NELL1: variants seen among roughly 807,000 people sequenced by gnomAD.
The protein encoded by NELL1 is protein kinase C-binding protein NELL1.
NELL1 carries 76 observed loss-of-function variants against 107.4 expected under a neutral mutation model. The observed-to-expected ratio is 0.71, with a 90% CI of 0.59 to 0.86. The LOEUF is 0.86. Ranked by LOEUF, NELL1 falls within the 40% of genes least tolerant of loss-of-function variation. NELL1 has a pLI of 0.00. For synonymous variants in NELL1, 353 were observed against 341.2 expected, an observed-to-expected ratio of 1.03 and a Z score of -0.38; for missense variants, 1,024 against 1,005.5, an observed-to-expected ratio of 1.02 and a Z score of -0.25.
chr11:21,141,741 A>T (rs964850150), intron 13 of NELL1, among the ~76,000 whole-genome samples: 4 of 137,242 alleles, frequency 2.9e-5, no homozygotes, highest in South Asian at 2.3e-4. Context: ...TATCCTTTTT[A>T]TTTATTTATT....
intron 12 of NELL1, among the ~76,000 whole-genome samples, chr11:21,029,677 G>A (rs1852904720): frequency 6.6e-6 from 1 of 152,032 alleles, no homozygotes. Flanking sequence ...CATAAGTCTT[G>A]GATTTGGGTT....
chr11:21,102,209 T>C (rs919574783), intron 12 of NELL1, among the ~76,000 whole-genome samples: 55 of 152,334 alleles, frequency 3.6e-4, no homozygotes, highest in African/African-American at 1.1e-3. Context: ...CTAAGGAGTC[T>C]TTTAAACATT....
chr11:20,741,769 C>T lies in NELL1; in HGVS notation c.185-41911C>T, dbSNP rs574631265. Reference sequence around the variant, plus strand: ...CTCTCAATTTTCAGAATTCTGGGACCGTGTTTCCACAGAGATTAGATGGAG... The same window carrying T: ...CTCTCAATTTTCAGAATTCTGGGACTGTGTTTCCACAGAGATTAGATGGAG... On this transcript the variant is annotated intron_variant, in intron 2 of 19. Coordinates refer to ENST00000357134, the MANE Select transcript of NELL1 (RefSeq NM_006157.5). Among the ~76,000 whole-genome samples the T allele has an allele frequency of 1.7e-4, 26 of 152,230 alleles. No homozygotes were observed. In the South Asian group the frequency reaches 3.3e-3, roughly 19 times the overall value.
chr11:20,753,897 CTTTGT>C (rs766225997), intron 2 of NELL1, among the ~76,000 whole-genome samples: 2 of 152,126 alleles, frequency 1.3e-5, no homozygotes, highest in East Asian at 1.9e-4. Flanking sequence ...AAGTTGTTTG[CTTTGT>C]TTTGTTTTGT....
At chr11:20,975,505 T>C (rs1288392399) in intron 12 of NELL1, among the ~76,000 whole-genome samples, 1 of 146,970 alleles carries the variant, frequency 6.8e-6, no homozygotes, top group Non-Finnish European at 1.5e-5. Context: ...ATTCAATATA[T>C]TATATATTAT....
chr11:21,283,147 T>A (rs1156926117), intron 14 of NELL1, among the ~76,000 whole-genome samples: 1 of 152,186 alleles, frequency 6.6e-6, no homozygotes, highest in African/African-American at 2.4e-5. Context: ...ATAATTTGTG[T>A]ACATTTTTAA....
chr11:20,944,532 G>C (rs966496921), intron 10 of NELL1, among the ~76,000 whole-genome samples: 1 of 152,126 alleles, frequency 6.6e-6, no homozygotes, highest in Non-Finnish European at 1.5e-5. Context: ...CAATGACATG[G>C]AGAAAGCCAC....
chr11:21,300,719 C>T (rs1849473974), intron 14 of NELL1, among the ~76,000 whole-genome samples: 1 of 151,918 alleles, frequency 6.6e-6, no homozygotes, highest in Admixed American at 6.6e-5. Flanking sequence ...ATGAGATTCG[C>T]ACCAATAACA....
At chr11:20,898,882 T>C (rs1242528011) in intron 5 of NELL1, among the ~76,000 whole-genome samples, 1 of 152,088 alleles carries the variant, frequency 6.6e-6, no homozygotes, top group East Asian at 1.9e-4. Flanking sequence ...TATTTACAGA[T>C]CTAGGTGGCA....
chr11:21,264,267 G>A (rs1848595217), intron 14 of NELL1, among the ~76,000 whole-genome samples: 1 of 151,826 alleles, frequency 6.6e-6, no homozygotes, highest in Non-Finnish European at 1.5e-5. Context: ...CTGACTTTGA[G>A]TTATTAATCT....
chr11:20,845,890 T>G (rs1259147451), intron 3 of NELL1, among the ~76,000 whole-genome samples: 1 of 152,206 alleles, frequency 6.6e-6, no homozygotes, highest in Non-Finnish European at 1.5e-5. Context: ...TTTTAGTTTT[T>G]CATTATGTGT....
chr11:20,955,589 TA>T (rs1185877268), intron 11 of NELL1, among the ~76,000 whole-genome samples: 1 of 152,192 alleles, frequency 6.6e-6, no homozygotes, highest in Non-Finnish European at 1.5e-5. Flanking sequence ...TCATCATTAT[TA>T]GTGGCCACCA....
chr11:21,424,450 A>G (rs1460442657), intron 15 of NELL1, among the ~76,000 whole-genome samples: 1 of 151,990 alleles, frequency 6.6e-6, no homozygotes, highest in Non-Finnish European at 1.5e-5. Context: ...GTGAAACCCC[A>G]TCTCCACTAA....
At chr11:21,276,057 C>T (rs185122841) in intron 14 of NELL1, among the ~76,000 whole-genome samples, 7 of 152,096 alleles carry the variant, frequency 4.6e-5, no homozygotes, top group Non-Finnish European at 1.0e-4. Context: ...CCAGGGCAAT[C>T]AGGCAGGAGA....
chr11:20,914,543 C>G (rs915297288), intron 5 of NELL1, among the ~76,000 whole-genome samples: 1 of 152,036 alleles, frequency 6.6e-6, no homozygotes, highest in Non-Finnish European at 1.5e-5. Context: ...AAATGTGTAT[C>G]ATTAGACTTA....
intron 15 of NELL1, among the ~76,000 whole-genome samples, chr11:21,495,089 T>C (rs1854942265): frequency 6.6e-6 from 1 of 152,114 alleles, no homozygotes; most frequent in African/African-American, 2.4e-5. Flanking sequence ...TTGCAACCAT[T>C]GCCAATAGCT....
chr11:21,464,238 C>CA lies in NELL1; in HGVS notation c.1646-70130dup, dbSNP rs1489122796. On this transcript the variant is annotated intron_variant, in intron 15 of 19. Coordinates refer to ENST00000357134, the MANE Select transcript of NELL1 (RefSeq NM_006157.5). ...ACTCCCCTCTTTTTCTGGAAAGTGTCAAAAAATTGTGGCTATGTTTTTAAA... is the reference window on the plus strand; with the variant it reads ...ACTCCCCTCTTTTTCTGGAAAGTGTCAAAAAAATTGTGGCTATGTTTTTAAA... Among the ~76,000 whole-genome samples, 4 of 152,030 alleles carry CA rather than the reference C, an allele frequency of 2.6e-5. No individual in the cohort carries two copies. The East Asian group carries it at 5.8e-4, about 22-fold the overall frequency.
chr11:20,985,486 G>T (rs538729799), intron 12 of NELL1, among the ~76,000 whole-genome samples: 2 of 152,146 alleles, frequency 1.3e-5, no homozygotes, highest in Non-Finnish European at 2.9e-5. Context: ...CAGCTTGGGC[G>T]TATGGACAGC....
intron 13 of NELL1, among the ~76,000 whole-genome samples, chr11:21,123,635 C>A (rs1373227579): frequency 6.6e-6 from 1 of 152,034 alleles, no homozygotes; most frequent in African/African-American, 2.4e-5. Context: ...TTGATACAAC[C>A]TTTCTTGAGG....
Sources: allele counts gnomAD v4.1 joint callset (sites outside exome capture counted in the v4.1 genomes callset), GRCh38; gene constraint gnomAD v4.1.1; transcripts MANE v1.5; gene names NCBI Gene and HGNC (gene_info 2026-07-23, HGNC 2026-07-21).